Variants in RIN3 observed in about 807,000 individuals in gnomAD.
The protein encoded by RIN3 is RAB5 interacting protein 3.
In RIN3, 54 loss-of-function variants were observed where a neutral mutation model predicts 76.3. That is an observed-to-expected ratio of 0.71 (90% CI 0.57 to 0.89). RIN3 has a LOEUF of 0.89. Among genes scored for constraint, RIN3 ranks in the 40% least tolerant of loss-of-function variants. RIN3 has a pLI of 0.00. For synonymous variants in RIN3, 576 were observed against 564.0 expected (o/e 1.02, Z -0.30); for missense variants, 1,256 against 1,322.1 (o/e 0.95, Z 0.78).
At chr14:92,516,448 G>A (rs568477711) in intron 1 of RIN3, among the ~76,000 whole-genome samples, 7 of 152,280 alleles carry the variant, frequency 4.6e-5, no homozygotes, top group Non-Finnish European at 8.8e-5. Flanking sequence ...GTGTGAGCTC[G>A]TAGCTCCAGC....
intron 1 of RIN3, among the ~76,000 whole-genome samples, chr14:92,521,712 C>A (rs1280861674): frequency 1.3e-5 from 2 of 152,182 alleles, no homozygotes; most frequent in Non-Finnish European, 2.9e-5. Context: ...CAAAATAAAC[C>A]TCTTTTCTTT....
chr14:92,641,172 C>T, intron 4 of RIN3, 66 bp from the exon 5 acceptor site: 1 of 1,280,150 alleles, frequency 7.8e-7, no homozygotes, highest in Non-Finnish European at 1.1e-6. Flanking sequence ...AGGGCTCTTC[C>T]TTTGTGGAGG....
At chr14:92,527,068 T>TGAGACAGA (rs1896753346) in intron 1 of RIN3, among the ~76,000 whole-genome samples, 6 of 141,218 alleles carry the variant, frequency 4.2e-5, no homozygotes, top group Admixed American at 2.1e-4. Context: ...TTTTTTTTTT[T>TGAGACAGA]GAGACAGAGT....
intron 1 of RIN3, among the ~76,000 whole-genome samples, chr14:92,546,835 C>G (rs555370732): frequency 1.8e-4 from 27 of 151,854 alleles, no homozygotes; most frequent in African/African-American, 6.3e-4. Context: ...GCCAGTGTCC[C>G]CAAAGCAACA....
Position 92,659,230 on chromosome 14 carries a change from T to C in RIN3, c.2096T>C (p.Leu699Pro). The change falls in exon 7 of 10, where the codon CTG becomes CCG. Residue 699 changes from leucine (L) to proline (P), a missense_variant. Physicochemically the swap from Leu to Pro is moderately conservative, Grantham distance 98. This residue lies in a region of RIN3 where 428 missense variants were observed against 521.2 expected (regional missense o/e 0.82). Transcript: ENST00000216487. ...KPLKEAINSC[L>P]HQIHSKDGSL... is the part of the protein sequence containing the mutation. The stretch of plus-strand genomic sequence containing the variant: ...CTGAAGGAAGCCATCAACTCATGCC[T>C]GCATCAGATCCACAGCAAGGATGGT... 1 of 1,614,206 alleles carries C rather than the reference T, an allele frequency of 6.2e-7. No individual in the cohort carries two copies. The highest frequency in any genetic ancestry group is 8.5e-7 in the Non-Finnish European group (1 of 1,180,020).
chr14:92,659,585 G>C (rs762237310), intron 7 of RIN3, 116 bp downstream of exon 7: 3 of 1,000,890 alleles, frequency 3.0e-6, no homozygotes, highest in Non-Finnish European at 4.3e-6. Flanking sequence ...CAGATTCAGA[G>C]CCCCCTTGGG....
Position 92,569,990 on chromosome 14 carries a change from G to A in RIN3, c.250-7370G>A, listed in dbSNP as rs550295295. Reference sequence around the variant, plus strand: ...GGCATTCGCAGTAATGGGTCATGACGTGCAGTCTGAAAAACACTGCCCTTC... The same window carrying A: ...GGCATTCGCAGTAATGGGTCATGACATGCAGTCTGAAAAACACTGCCCTTC... On this transcript the variant is annotated intron_variant, in intron 2 of 9. Coordinates refer to ENST00000216487, the MANE Select transcript of RIN3 (RefSeq NM_024832.5). Among the ~76,000 whole-genome samples, 4 of 152,292 alleles carry A rather than the reference G, an allele frequency of 2.6e-5. No homozygotes were observed. The South Asian group carries it at 6.2e-4, about 24-fold the overall frequency.
intron 3 of RIN3, among the ~76,000 whole-genome samples, chr14:92,591,659 A>G (rs1350203592): frequency 1.3e-5 from 2 of 152,200 alleles, no homozygotes; most frequent in Non-Finnish European, 2.9e-5. Context: ...AAATCATGCA[A>G]GCAAGAAGAT....
intron 3 of RIN3, among the ~76,000 whole-genome samples, chr14:92,590,376 G>A (rs371768777): frequency 6.6e-6 from 1 of 152,146 alleles, no homozygotes; most frequent in African/African-American, 2.4e-5. Flanking sequence ...GGGTCACAGG[G>A]GTGGATCCCT....
chr14:92,545,176 C>T (rs1897231996), intron 1 of RIN3, among the ~76,000 whole-genome samples: 1 of 139,648 alleles, frequency 7.2e-6, no homozygotes, highest in African/African-American at 2.7e-5. Context: ...GTGGCACAGT[C>T]TCCACTCACT....
At chr14:92,547,066 T>TC (rs1897286944) in intron 1 of RIN3, among the ~76,000 whole-genome samples, 4 of 121,582 alleles carry the variant, frequency 3.3e-5, no homozygotes, top group African/African-American at 5.8e-5. Flanking sequence ...ATAAATTATA[T>TC]TTTATTTTAT....
At chr14:92,604,725 A>G (rs2140092386) in intron 3 of RIN3, among the ~76,000 whole-genome samples, 1 of 151,882 alleles carries the variant, frequency 6.6e-6, no homozygotes, top group Non-Finnish European at 1.5e-5. Flanking sequence ...ATCAATCAAC[A>G]TCTCTCTCGC....
intron 3 of RIN3, among the ~76,000 whole-genome samples, chr14:92,612,234 A>G (rs1439461974): frequency 6.6e-6 from 1 of 152,218 alleles, no homozygotes; most frequent in Admixed American, 6.5e-5. Flanking sequence ...ACCTCGGCAC[A>G]TGCTCACGGG....
At chr14:92,619,673 C>G (rs1345347846) in intron 4 of RIN3, among the ~76,000 whole-genome samples, 1 of 152,042 alleles carries the variant, frequency 6.6e-6, no homozygotes, top group Non-Finnish European at 1.5e-5. Flanking sequence ...GTGATCTGCC[C>G]ACCTCGGCCT....
intron 7 of RIN3, among the ~76,000 whole-genome samples, chr14:92,659,912 G>T (rs1036021365): frequency 6.6e-6 from 1 of 152,152 alleles, no homozygotes; most frequent in Non-Finnish European, 1.5e-5. Flanking sequence ...CGAGCTTCTG[G>T]TAGCTCCTTG....
At chr14:92,666,946 G>A (rs1303391824) in intron 7 of RIN3, among the ~76,000 whole-genome samples, 1 of 152,070 alleles carries the variant, frequency 6.6e-6, no homozygotes, top group South Asian at 2.1e-4. Flanking sequence ...ACCCCAGGGG[G>A]ATGGAGCACA....
At chr14:92,551,758 A>C (rs1381757355) in intron 1 of RIN3, among the ~76,000 whole-genome samples, 1 of 152,196 alleles carries the variant, frequency 6.6e-6, no homozygotes, top group Middle Eastern at 3.2e-3. Context: ...TCTTCTTTGA[A>C]GTATCTGTTC....
chr14:92,601,671 G>A (rs558329461), intron 3 of RIN3, among the ~76,000 whole-genome samples: 14 of 152,176 alleles, frequency 9.2e-5, no homozygotes, highest in East Asian at 7.7e-4. Context: ...GCCCTGCGGC[G>A]TGAGCAGGAA....
chr14:92,583,596 T>A (rs1251502278), intron 3 of RIN3, among the ~76,000 whole-genome samples: 1 of 152,144 alleles, frequency 6.6e-6, no homozygotes, highest in African/African-American at 2.4e-5. Flanking sequence ...CAATAAAAAA[T>A]AATGTAAATT....
Sources: gnomAD v4.1 joint callset for allele counts (sites outside exome capture counted in the v4.1 genomes callset) on GRCh38, gnomAD v4.1.1 for gene constraint, gnomAD v4.1.1 regional missense constraint, MANE v1.5 for transcripts, NCBI Gene and HGNC (gene_info 2026-07-23, HGNC 2026-07-21) for gene names.